The following NHLRC2 variants were observed in gnomAD, a reference collection of about 807,000 sequenced individuals.
NHLRC2 encodes the protein NHL repeat containing 2.
In NHLRC2, 33 loss-of-function variants were observed where a neutral mutation model predicts 68.1. The ratio of observed to expected loss-of-function variants is 0.48; its 90% CI spans 0.37 to 0.65. The LOEUF (loss-of-function observed/expected upper bound fraction) is 0.65. Among genes scored for constraint, NHLRC2 ranks in the 30% least tolerant of loss-of-function variants. The pLI is 0.00. For synonymous variants in NHLRC2, 311 were observed against 309.6 expected (o/e 1.00, Z -0.05); for missense variants, 761 against 853.8 (o/e 0.89, Z 1.35).
chr10:113,877,363 A>G (rs1845993942), intron 3 of NHLRC2, among the ~76,000 whole-genome samples: 1 of 151,908 alleles, frequency 6.6e-6, no homozygotes, highest in Non-Finnish European at 1.5e-5. Flanking sequence ...ATATAGCCGT[A>G]TCTTTTTAAA....
intron 2 of NHLRC2, among the ~76,000 whole-genome samples, chr10:113,864,570 C>G (rs1185016289): frequency 6.6e-6 from 1 of 151,608 alleles, no homozygotes; most frequent in Non-Finnish European, 1.5e-5. Context: ...GGTGGCGCGC[C>G]CCTGTAATCC....
intron 2 of NHLRC2, among the ~76,000 whole-genome samples, chr10:113,875,211 A>G (rs1165035942): frequency 1.3e-5 from 2 of 152,038 alleles, no homozygotes; most frequent in Non-Finnish European, 2.9e-5. Context: ...TTTAGTAGGC[A>G]TCAACCCTCT....
Position 113,901,830 on chromosome 10 carries a change from C to T in NHLRC2, c.1304C>T (p.Thr435Ile), listed in dbSNP as rs761561661. ...TTTGTAGCAGATAGTGAGAGCAGTA[C>T]AGTGAGAACCGTTTCACTGAAAGAT... is the stretch of plus-strand genomic sequence containing the variant. ...CLFVADSESS[T>I]VRTVSLKDGA... Residue 435 changes from threonine (T) to isoleucine (I), a missense_variant, in exon 7 of 11, where the codon ACA (threonine) becomes ATA (isoleucine). Transcript: ENST00000369301. 1.9e-6 allele frequency: 3 copies of T among 1,614,116 alleles called. No individual in the cohort carries two copies. Among genetic ancestry groups the T allele is most frequent in the South Asian group, 2.2e-5 (2 of 91,082 alleles).
rs1205808242 is a variant in NHLRC2 at position 113,903,675 on chromosome 10, T to G, written c.1643T>G (p.Val548Gly). The G allele has an allele frequency of 6.2e-7, 1 of 1,601,906 alleles. No homozygotes were observed. The highest frequency in any genetic ancestry group is 8.6e-7 in the Non-Finnish European group (1 of 1,169,106). Residue 548 changes from valine (V) to glycine (G), a missense_variant, in exon 9 of 11, where the codon GTA becomes GGA. Val to Gly is a moderately radical substitution (Grantham distance 109). Coordinates refer to ENST00000369301, the MANE Select transcript of NHLRC2 (RefSeq NM_198514.4). ...GGAGAGAATGGAGAATTATTATATG[T>G]AGCAGACACCAATAATCATCAAATT... ...CIGENGELLY[V>G]ADTNNHQIKV... is the part of the protein sequence containing the mutation.
chr10:113,903,829 A>G (rs960491593), intron 9 of NHLRC2, 93 bp downstream of exon 9: 6 of 759,892 alleles, frequency 7.9e-6, no homozygotes, highest in Admixed American at 4.2e-5. Flanking sequence ...TGGTTAGACC[A>G]TCTCCAGGAG....
rs757754711 is a variant in NHLRC2 at position 113,898,108 on chromosome 10, A to G, written c.1040-2A>G. 6.3e-7 allele frequency: 1 copy of G among 1,584,648 alleles called. No individual in the cohort carries two copies. The highest frequency in any genetic ancestry group is 1.1e-5 in the South Asian group (1 of 89,418). ...TAATAATAATGATTTATTTTTATAA[A>G]GGTTCAGAGGTCCAAAGAGGTGACA... On this transcript the variant is annotated splice_acceptor_variant, in intron 5 of 10. Transcript: ENST00000369301. LOFTEE classifies it high-confidence loss of function.
At chr10:113,873,177 C>A (rs186386760) in intron 2 of NHLRC2, among the ~76,000 whole-genome samples, 42 of 152,232 alleles carry the variant, frequency 2.8e-4, no homozygotes, top group Non-Finnish European at 4.9e-4. Flanking sequence ...TTATATCCAA[C>A]CATTTGTCCT....
Position 113,854,778 on chromosome 10 carries a change from G to T in NHLRC2, c.-95G>T, listed in dbSNP as rs1845724291. 5 of 1,041,922 alleles carry T rather than the reference G, an allele frequency of 4.8e-6. No individual in the cohort carries two copies. The South Asian group carries it at 8.3e-5, about 17-fold the overall frequency. The allele number at this position is 1,041,922 out of a possible 1,614,324, so 64.5% of individuals were successfully genotyped here. A position where few individuals can be genotyped will look rare whatever the true frequency, so the allele number is the denominator to read the frequency against. On this transcript the variant is annotated 5_prime_UTR_variant, in exon 1 of 11. The change abolishes an upstream ATG in the 5' untranslated region. Transcript: ENST00000369301. ...GGGGCTAGTGGAGGGTGAGGTGAAT[G>T]CGCCGTTTGGAAACCACAGGACAGT...
rs563660884 is a variant in NHLRC2 at position 113,893,814 on chromosome 10, T to C, written c.1040-4296T>C. Reference sequence around the variant, plus strand: ...TCTTTCACTCAGCTATGCACCAACATAGCTCTCCTTTGCCAAGACAGAGGC... The same window carrying C: ...TCTTTCACTCAGCTATGCACCAACACAGCTCTCCTTTGCCAAGACAGAGGC... On this transcript the variant is annotated intron_variant, in intron 5 of 10. Coordinates refer to ENST00000369301, the MANE Select transcript of NHLRC2 (RefSeq NM_198514.4). 6.5e-4 allele frequency among the ~76,000 whole-genome samples: 99 copies of C among 152,338 alleles called. 1 individual carries two copies. The highest frequency in any genetic ancestry group is 2.3e-3 in the African/African-American group (94 of 41,590).
At chr10:113,874,117 T>C (rs1394491991) in intron 2 of NHLRC2, among the ~76,000 whole-genome samples, 2 of 152,248 alleles carry the variant, frequency 1.3e-5, no homozygotes, top group East Asian at 3.8e-4. Flanking sequence ...CTGATATTTA[T>C]AAATGTTTAC....
intron 2 of NHLRC2, among the ~76,000 whole-genome samples, chr10:113,870,702 G>T (rs950596139): frequency 1.3e-5 from 2 of 152,134 alleles, no homozygotes; most frequent in Admixed American, 1.3e-4. Context: ...GTTTCGTTAG[G>T]TATTGCCTAG....
Position 113,911,949 on chromosome 10 carries a change from GAGTTAA to G in NHLRC2, c.*3420_*3425del, listed in dbSNP as rs774423499. On this transcript the variant is annotated 3_prime_UTR_variant, in exon 11 of 11. Transcript: ENST00000369301. ...TGGGGGGAAACCCATAAAGTTTAAA[GAGTTAA>G]AGTTAACTGAATCGTAAGCACTTAT... 3 of 151,942 alleles carry G rather than the reference GAGTTAA, an allele frequency of 2.0e-5. No homozygotes were observed. The highest frequency in any genetic ancestry group is 4.8e-5 in the African/African-American group (2 of 41,384). 9.4% of individuals were successfully genotyped at this position (151,942 alleles called of 1,614,324 possible).
At position 113,876,640 on chromosome 10, in the gene NHLRC2, G is replaced by A. The variant is rs747272974; in HGVS notation, c.451G>A (p.Ala151Thr). 1 of 1,613,868 alleles carries A rather than the reference G, an allele frequency of 6.2e-7. No individual in the cohort carries two copies. Among genetic ancestry groups the A allele is most frequent in the East Asian group, 2.2e-5 (1 of 44,862 alleles). ...ITHPMVNDADASLWQELEVSC... is the reference protein window; with the variant it reads ...ITHPMVNDADTSLWQELEVSC... ...CCACCCTATGGTTAATGATGCAGAT[G>A]CCAGCCTTTGGCAAGAACTAGAAGT... The change falls in exon 3 of 11, where the codon GCC becomes ACC. Residue 151 changes from alanine (A) to threonine (T), a missense_variant. Transcript: ENST00000369301.
chr10:113,884,354 CT>C lies in NHLRC2; in HGVS notation c.1015del (p.Trp339GlyfsTer3). 1 of 1,609,880 alleles carries C rather than the reference CT, an allele frequency of 6.2e-7. No homozygotes were observed. Among genetic ancestry groups the C allele is most frequent in the Non-Finnish European group, 8.5e-7 (1 of 1,177,068 alleles). ...GGAGAACAACAACCCATTAGTTCCC[CT>C]TGGGATGTAGTTTTTGGAACATCAG... is the stretch of plus-strand genomic sequence containing the variant. ...AKGEQQPISS[P>X]WDVVFGTSGS... On this transcript the variant is annotated frameshift_variant, in exon 5 of 11. Coordinates refer to ENST00000369301, the MANE Select transcript of NHLRC2 (RefSeq NM_198514.4). LOFTEE classifies it high-confidence loss of function.
chr10:113,872,558 G>C (rs1305216169), intron 2 of NHLRC2, among the ~76,000 whole-genome samples: 1 of 151,546 alleles, frequency 6.6e-6, no homozygotes, highest in African/African-American at 2.4e-5. Context: ...AAAAAAAACA[G>C]CTTGAATCAG....
rs146792028 is a variant in NHLRC2 at position 113,875,188 on chromosome 10, T to G, written c.332-1333T>G. Among the ~76,000 whole-genome samples the G allele has an allele frequency of 1.9e-3, 292 of 152,176 alleles. 2 individuals carry two copies. The highest frequency in any genetic ancestry group is 6.8e-3 in the African/African-American group (282 of 41,510). On this transcript the variant is annotated intron_variant, in intron 2 of 10. Transcript: ENST00000369301. ...TTCTGTTATAGTCCTGTAGGGAACA[T>G]TGGTAGCCTTATTTTAGTAGGCATC...
intron 4 of NHLRC2, among the ~76,000 whole-genome samples, chr10:113,880,770 T>C (rs1846030265): frequency 6.6e-6 from 1 of 151,976 alleles, no homozygotes; most frequent in African/African-American, 2.4e-5. Context: ...GTTCAACAGA[T>C]ATTTGTTGGA....
intron 3 of NHLRC2, among the ~76,000 whole-genome samples, chr10:113,878,517 G>A (rs997112467): frequency 4.6e-5 from 7 of 151,936 alleles, no homozygotes; most frequent in Non-Finnish European, 8.8e-5. Context: ...AAGGTCTATT[G>A]GGCTCTTGAG....
Position 113,916,593 on chromosome 10 carries a change from GTAATTGTCATATCTTTA to G in NHLRC2, c.*8058_*8074del, listed in dbSNP as rs1255912093. On this transcript the variant is annotated 3_prime_UTR_variant, in exon 11 of 11. Transcript: ENST00000369301. The stretch of plus-strand genomic sequence containing the variant: ...GCATTGAGAGACAATTAGAAATGTT[GTAATTGTCATATCTTTA>G]CATGTGGATTATGAACAAATGAAAG... 6.6e-6 allele frequency: 1 copy of G among 152,068 alleles called. No individual in the cohort carries two copies. Among genetic ancestry groups the G allele is most frequent in the Non-Finnish European group, 1.5e-5 (1 of 67,992 alleles). The allele number at this position is 152,068 out of a possible 1,614,324, so 9.4% of individuals were successfully genotyped here.
Sources: allele counts gnomAD v4.1 joint callset (sites outside exome capture counted in the v4.1 genomes callset), GRCh38; gene constraint gnomAD v4.1.1; transcripts MANE v1.5; gene names NCBI Gene and HGNC (gene_info 2026-07-23, HGNC 2026-07-21).